Variants in HIPK1 observed in about 807,000 individuals in gnomAD.
The protein encoded by HIPK1 is homeodomain interacting protein kinase 1, also known as homeodomain-interacting protein kinase 1.
Under a neutral mutation model 117.1 loss-of-function variants are expected in HIPK1, and 28 were observed. The observed-to-expected ratio is 0.24, with a 90% CI of 0.18 to 0.33. The LOEUF (loss-of-function observed/expected upper bound fraction) is 0.33, where lower values mean the gene tolerates loss of function less well. Among genes scored for constraint, HIPK1 ranks in the 10% least tolerant of loss-of-function variants. The probability of loss-of-function intolerance (pLI) is 1.00; values close to 1 mark genes in which losing one functional copy is unlikely to be tolerated. For synonymous variants in HIPK1, 605 were observed against 562.5 expected (o/e 1.08, Z -1.07); for missense variants, 1,122 against 1,475.1 (o/e 0.76, Z 3.92).
chr1:113,933,477 G>A (rs796088448), intron 1 of HIPK1, among the ~76,000 whole-genome samples: 8 of 152,110 alleles, frequency 5.3e-5, no homozygotes, highest in African/African-American at 1.9e-4. Context: ...TTGTCCTAAG[G>A]TTTTAAGTGG....
rs1438731393 is a variant in HIPK1 at position 113,977,193 on chromosome 1, CCT to C, written c.*3685_*3686del. ...TGTTTTAGGATAGGAAATGAAATTG[CCT>C]CTCAGTGACAGGAGTGGCCCGAGCC... On this transcript the variant is annotated 3_prime_UTR_variant, in exon 16 of 16. Transcript: ENST00000426820. 2.7e-5 allele frequency: 4 copies of C among 149,106 alleles called. No homozygotes were observed. The highest frequency in any genetic ancestry group is 4.4e-5 in the Non-Finnish European group (3 of 67,490). The allele number at this position is 149,106 out of a possible 1,614,324, so 9.2% of individuals were successfully genotyped here.
Position 113,970,150 on chromosome 1 carries a change from C to T in HIPK1, c.2966C>T (p.Pro989Leu), listed in dbSNP as rs1189256468. The change falls in exon 14 of 16, where the codon CCA (proline) becomes CTA (leucine). Residue 989 changes from proline (P) to leucine (L), a missense_variant. Pro to Leu is a moderately conservative substitution (Grantham distance 98, BLOSUM62 -3). Around this residue, in one of 6 missense-constraint regions of HIPK1, gnomAD observed 731 missense variants for 860.4 expected, o/e 0.85. Coordinates refer to ENST00000426820, the MANE Select transcript of HIPK1 (RefSeq NM_198268.3). ...GGCACCCGCACTATCATTGTGCCTC[C>T]ACTGAAAACTCAGCTTGGTGACTGC... is the stretch of plus-strand genomic sequence containing the variant. ...GTGTRTIIVP[P>L]LKTQLGDCTV... The T allele has an allele frequency of 6.2e-7, 1 of 1,614,166 alleles. No homozygotes were observed.
chr1:113,973,445 G>A lies in HIPK1; in HGVS notation c.3566G>A (p.Arg1189Gln), dbSNP rs142071670. 9.3e-6 allele frequency: 15 copies of A among 1,613,566 alleles called. No homozygotes were observed. Among genetic ancestry groups the A allele is most frequent in the Admixed American group, 6.7e-5 (4 of 59,968 alleles). Residue 1189 changes from arginine to glutamine, a missense_variant, in exon 16 of 16, where the codon CGA (arginine) becomes CAA (glutamine). By Grantham distance (43) the Arg-to-Gln change is conservative (BLOSUM62 1). Coordinates refer to ENST00000426820, the MANE Select transcript of HIPK1 (RefSeq NM_198268.3). ...FATQSYIGSS[R>Q]GSTIYTGYPL... is the part of the protein sequence containing the mutation. ...ACCCAATCCTACATTGGGTCTTCCCGAGGCTCAACAATTTACACTGGATAC... is the reference window on the plus strand; with the variant it reads ...ACCCAATCCTACATTGGGTCTTCCCAAGGCTCAACAATTTACACTGGATAC...
chr1:113,962,660 A>C (rs1046525266), intron 9 of HIPK1, among the ~76,000 whole-genome samples: 3 of 152,184 alleles, frequency 2.0e-5, no homozygotes, highest in Non-Finnish European at 4.4e-5. Context: ...ATATCCAGAC[A>C]TTCTTGAGAA....
chr1:113,969,708 G>A (rs914867513), intron 13 of HIPK1, among the ~76,000 whole-genome samples: 5 of 152,110 alleles, frequency 3.3e-5, no homozygotes, highest in Admixed American at 6.5e-5. Flanking sequence ...CCAGGAATTT[G>A]AGACCAGCCT....
chr1:113,950,897 T>G (rs1671317004), intron 2 of HIPK1, among the ~76,000 whole-genome samples: 1 of 152,216 alleles, frequency 6.6e-6, no homozygotes, highest in Admixed American at 6.5e-5. Flanking sequence ...GTAATACTTT[T>G]ATTGCATAGA....
Position 113,963,414 on chromosome 1 carries a change from A to G in HIPK1, c.2131A>G (p.Thr711Ala). ...QGSCTPLMVA[T>A]LHPQVATITP... ...AAGCTGTACACCACTAATGGTAGCA[A>G]CTCTCCACCCTCAAGTAGCCACCAT... Residue 711 changes from threonine to alanine, a missense_variant, in exon 10 of 16, where the codon ACT becomes GCT. By Grantham distance (58) the Thr-to-Ala change is moderately conservative. This residue lies in a region of HIPK1 where 731 missense variants were observed against 860.4 expected (regional missense o/e 0.85). Transcript: ENST00000426820. 1 of 1,613,760 alleles carries G rather than the reference A, an allele frequency of 6.2e-7. No homozygotes were observed. The highest frequency in any genetic ancestry group is 8.5e-7 in the Non-Finnish European group (1 of 1,179,908).
At chr1:113,970,358 T>G (rs1332840093) in intron 14 of HIPK1, among the ~76,000 whole-genome samples, 161 bp downstream of exon 14, 1 of 152,238 alleles carries the variant, frequency 6.6e-6, no homozygotes, top group Non-Finnish European at 1.5e-5. Context: ...TGTGAAATTA[T>G]TTTTGGCCAT....
chr1:113,955,764 A>G (rs1671675958), intron 5 of HIPK1, 115 bp downstream of exon 5: 3 of 586,966 alleles, frequency 5.1e-6, no homozygotes, highest in Admixed American at 3.0e-5. Context: ...TTCAGTTTTT[A>G]TAAAAAATGC....
At chr1:113,944,107 G>C (rs553934162) in intron 2 of HIPK1, among the ~76,000 whole-genome samples, 1 of 150,048 alleles carries the variant, frequency 6.7e-6, no homozygotes, top group Non-Finnish European at 1.5e-5. Flanking sequence ...TGGGATTACA[G>C]GTGTGAACTA....
At chr1:113,938,149 C>T (rs909576144) in intron 1 of HIPK1, among the ~76,000 whole-genome samples, 10 of 149,670 alleles carry the variant, frequency 6.7e-5, no homozygotes, top group East Asian at 1.9e-4. Context: ...TTTTTTTTCC[C>T]GGTAGAGATG....
chr1:113,931,118 A>G (rs1276484864), intron 1 of HIPK1, among the ~76,000 whole-genome samples: 1 of 150,626 alleles, frequency 6.6e-6, no homozygotes, highest in Non-Finnish European at 1.5e-5. Flanking sequence ...CAGCAAACCT[A>G]CAATTTTCCT....
chr1:113,952,971 C>T, intron 3 of HIPK1, 82 bp downstream of exon 3: 1 of 1,236,144 alleles, frequency 8.1e-7, no homozygotes, highest in Admixed American at 3.0e-5. Context: ...GTACTAAGTA[C>T]TACTGAAGTA....
Position 113,962,320 on chromosome 1 carries a change from G to A in HIPK1, c.1985G>A (p.Gly662Glu). Reference protein sequence around the residue: ...FIVCPPAFQTGLQATTKHSGF... With the variant: ...FIVCPPAFQTELQATTKHSGF... Reference sequence around the variant, plus strand: ...ACTGTGATGCTGTTTTCAATAGCTGGACTACAAGCAACAACAAAGCATTCT... The same window carrying A: ...ACTGTGATGCTGTTTTCAATAGCTGAACTACAAGCAACAACAAAGCATTCT... Residue 662 changes from glycine (G) to glutamate (E), a missense_variant, in exon 9 of 16, where the codon GGA (glycine) becomes GAA (glutamate). Coordinates refer to ENST00000426820, the MANE Select transcript of HIPK1 (RefSeq NM_198268.3). The A allele has an allele frequency of 6.2e-7, 1 of 1,613,364 alleles. No homozygotes were observed. Among genetic ancestry groups the A allele is most frequent in the Non-Finnish European group, 8.5e-7 (1 of 1,179,598 alleles).
At chr1:113,960,523 G>C (rs2101392213) in intron 8 of HIPK1, among the ~76,000 whole-genome samples, 1 of 152,150 alleles carries the variant, frequency 6.6e-6, no homozygotes, top group South Asian at 2.1e-4. Flanking sequence ...TATCACCCTG[G>C]GGGCTATAGA....
In HIPK1 at chr1:113,973,078, C is replaced by T; in HGVS notation, c.3199C>T (p.Pro1067Ser). 1 of 1,534,274 alleles carries T rather than the reference C, an allele frequency of 6.5e-7. No individual in the cohort carries two copies. Among genetic ancestry groups the T allele is most frequent in the Non-Finnish European group, 8.8e-7 (1 of 1,140,966 alleles). ...ACAGGAGAGAAGCAGCAACCCAGCCCCCCGCAGGCAGCAGGCGTTTGTGGC... is the reference window on the plus strand; with the variant it reads ...ACAGGAGAGAAGCAGCAACCCAGCCTCCCGCAGGCAGCAGGCGTTTGTGGC... ...TSQERSSNPA[P>S]RRQQAFVAPL... The change falls in exon 16 of 16, where the codon CCC (proline) becomes TCC (serine). Residue 1067 changes from proline (P) to serine (S), a missense_variant. By Grantham distance (74) the Pro-to-Ser change is moderately conservative. This residue lies in a region of HIPK1 where 731 missense variants were observed against 860.4 expected (regional missense o/e 0.85). Coordinates refer to ENST00000426820, the MANE Select transcript of HIPK1 (RefSeq NM_198268.3).
Position 113,973,570 on chromosome 1 carries a change from A to C in HIPK1, c.*58A>C. 1 of 1,524,754 alleles carries C rather than the reference A, an allele frequency of 6.6e-7. No individual in the cohort carries two copies. The highest frequency in any genetic ancestry group is 8.8e-7 in the Non-Finnish European group (1 of 1,133,590). The allele number at this position is 1,524,754 out of a possible 1,614,324, so 94.5% of individuals were successfully genotyped here. A position where few individuals can be genotyped will look rare whatever the true frequency, so the allele number is the denominator to read the frequency against. The stretch of plus-strand genomic sequence containing the variant: ...ACCTTCTCCTGGCCCTGCGTTCTTA[A>C]TATTGGGCTATGGAGAGATCCTCCT... On this transcript the variant is annotated 3_prime_UTR_variant, in exon 16 of 16. Transcript: ENST00000426820.
rs369820212 is a variant in HIPK1, at chr1:113,973,618, C to G, written c.*106C>G. The G allele has an allele frequency of 1.6e-4, 220 of 1,359,998 alleles. 5 individuals are homozygous for G. In the East Asian group the frequency reaches 3.6e-3, roughly 22 times the overall value. The allele number at this position is 1,359,998 out of a possible 1,614,324, so 84.2% of individuals were successfully genotyped here. A position where few individuals can be genotyped will look rare whatever the true frequency, so the allele number is the denominator to read the frequency against. ...CCTTTACCCTCTTGAAATTTCTTAG[C>G]CAGCAACTTGTTCTGCAGGGGCCCA... On this transcript the variant is annotated 3_prime_UTR_variant, in exon 16 of 16. Coordinates refer to ENST00000426820, the MANE Select transcript of HIPK1 (RefSeq NM_198268.3).
At chr1:113,958,914 A>C (rs1235764683) in intron 8 of HIPK1, among the ~76,000 whole-genome samples, 1 of 152,164 alleles carries the variant, frequency 6.6e-6, no homozygotes, top group Non-Finnish European at 1.5e-5. Context: ...AGAATAGCTG[A>C]AGGAGGAGGC....
Sources: allele counts gnomAD v4.1 joint callset (sites outside exome capture counted in the v4.1 genomes callset), GRCh38; gene constraint gnomAD v4.1.1; regional missense constraint gnomAD v4.1.1; transcripts MANE v1.5; gene names NCBI Gene and HGNC (gene_info 2026-07-23, HGNC 2026-07-21).